TRMU: variants seen among roughly 807,000 people sequenced by gnomAD.
TRMU encodes the protein mitochondrial tRNA-specific 2-thiouridylase 1.
TRMU carries 49 observed loss-of-function variants against 46.9 expected under a neutral mutation model. The observed-to-expected ratio is 1.05, with a 90% confidence interval of 0.83 to 1.33. The LOEUF is 1.33. TRMU is among the 40% of genes most tolerant of loss of function. TRMU has a pLI of 0.00. For missense variants in TRMU, 572 were observed against 532.4 expected (o/e 1.07, Z -0.73); for synonymous variants, 241 against 200.9 (o/e 1.20, Z -1.69).
At chr22:46,354,246 G>A (rs931706925) in intron 8 of TRMU, 7 of 306,796 alleles carry the variant, frequency 2.3e-5, no homozygotes, top group African/African-American at 1.5e-4. Flanking sequence ...TGTCAGGCAG[G>A]TGCAGATGGC....
Position 46,336,094 on chromosome 22 carries a change from G to A in TRMU, c.82+248G>A. On this transcript the variant is annotated intron_variant, in intron 1 of 10. Transcript: ENST00000645190. The surrounding 1 kb of genome is among the most constrained non-coding windows in gnomAD (Gnocchi z 4.1). ...GTTCCGCGCCCCTCTCCACCCACGCGCGCCCACCCACAGTGAGAAGCCGGC... is the reference window on the plus strand; with the variant it reads ...GTTCCGCGCCCCTCTCCACCCACGCACGCCCACCCACAGTGAGAAGCCGGC... The A allele has an allele frequency of 7.3e-7, 1 of 1,368,384 alleles. No homozygotes were observed. Among genetic ancestry groups the A allele is most frequent in the Non-Finnish European group, 9.4e-7 (1 of 1,063,746 alleles). 84.8% of individuals were successfully genotyped at this position (1,368,384 alleles called of 1,614,324 possible). A position where few individuals can be genotyped will look rare whatever the true frequency, so the allele number is the denominator to read the frequency against.
chr22:46,346,748 C>A (rs935311645), intron 4 of TRMU, among the ~76,000 whole-genome samples: 8 of 152,178 alleles, frequency 5.3e-5, no homozygotes, highest in African/African-American at 1.9e-4. Context: ...TAAACAGTGT[C>A]CCTGCCGGCC....
rs1569087149 is a variant in TRMU, at chr22:46,355,160, C to CCTG, written c.874-282_874-280dup. 7 of 545,994 alleles carry CCTG rather than the reference C, an allele frequency of 1.3e-5. No homozygotes were observed. In the Admixed American group the frequency reaches 1.6e-4, roughly 12 times the overall value. The allele number at this position is 545,994 out of a possible 1,614,324, so 33.8% of individuals were successfully genotyped here. On this transcript the variant is annotated intron_variant, in intron 8 of 10. Coordinates refer to ENST00000645190, the MANE Select transcript of TRMU (RefSeq NM_018006.5). ...GTAGAGGGCCTGAGTCAGACTTGAA[C>CCTG]CTGCAGCATTCACTGTCATGGGCTC...
At position 46,339,105 on chromosome 22, in the gene TRMU, G is replaced by A. The variant is rs1490787412; in HGVS notation, c.248+1161G>A. 2.0e-5 allele frequency among the ~76,000 whole-genome samples: 3 copies of A among 152,140 alleles called. No homozygotes were observed. Among genetic ancestry groups the A allele is most frequent in the Non-Finnish European group, 4.4e-5 (3 of 68,030 alleles). On this transcript the variant is annotated intron_variant, in intron 2 of 10. Transcript: ENST00000645190. The surrounding 1 kb of genome is among the most constrained non-coding windows in gnomAD (Gnocchi z 4.8). ...AAGAATTGAGATTAGGTTCTAGTAT[G>A]TATGCCTGGTATATTAGTAAGCAGT...
At chr22:46,356,193 TGGTGA>T (rs1251893627) in intron 10 of TRMU, 121 bp downstream of exon 10, 3 of 1,099,796 alleles carry the variant, frequency 2.7e-6, no homozygotes, top group Admixed American at 2.0e-5. Context: ...GTCACACAGC[TGGTGA>T]GGGCAGAGTG....
At chr22:46,340,545 G>A (rs1004157260) in intron 2 of TRMU, among the ~76,000 whole-genome samples, 13 of 150,702 alleles carry the variant, frequency 8.6e-5, no homozygotes, top group African/African-American at 1.7e-4. Flanking sequence ...AATTAGGAGC[G>A]GAGCTGGGAT....
chr22:46,355,327 G>C lies in TRMU; in HGVS notation c.874-117G>C. 6 of 1,469,460 alleles carry C rather than the reference G, an allele frequency of 4.1e-6. No individual in the cohort carries two copies. In the South Asian group the frequency reaches 7.3e-5, roughly 18 times the overall value. 91.0% of individuals were successfully genotyped at this position (1,469,460 alleles called of 1,614,324 possible). On this transcript the variant is annotated intron_variant, in intron 8 of 10. Transcript: ENST00000645190. ...GGGTAGAACACTTCGAGCGGTGCCA[G>C]CACCGTTACCTGTGTGTGTGTGTGC...
intron 7 of TRMU, chr22:46,352,580 G>C: frequency 6.8e-6 from 4 of 585,448 alleles, no homozygotes; most frequent in Non-Finnish European, 1.2e-5. Context: ...TGACTTGGAA[G>C]GACTATACTC....
At chr22:46,345,739 C>G (rs1260228370) in intron 3 of TRMU, among the ~76,000 whole-genome samples, 1 of 151,822 alleles carries the variant, frequency 6.6e-6, no homozygotes, top group African/African-American at 2.4e-5. Flanking sequence ...ACTTCACATT[C>G]TCCCAGTGTT....
intron 2 of TRMU, among the ~76,000 whole-genome samples, chr22:46,341,098 C>T (rs931245940): frequency 7.9e-5 from 12 of 152,246 alleles, no homozygotes; most frequent in South Asian, 4.1e-4. Context: ...ATCTGTCTCC[C>T]TCCCGAGGCA....
At chr22:46,341,205 C>T (rs12159490) in intron 2 of TRMU, among the ~76,000 whole-genome samples, 58 of 152,278 alleles carry the variant, frequency 3.8e-4, no homozygotes, top group South Asian at 1.0e-3. Context: ...CTGCTGTTTA[C>T]GAAAGGGTTA....
rs752454115 is a variant in TRMU at position 46,347,853 on chromosome 22, G to A, written c.478+1309G>A. ...GCCCCAGCTGAGTTCTTTCCTCAGC[G>A]TTGCTGAGCCCATCCTGAAGGCTGC... On this transcript the variant is annotated intron_variant, in intron 4 of 10. Coordinates refer to ENST00000645190, the MANE Select transcript of TRMU (RefSeq NM_018006.5). This position sits in a 1 kb window ranked among gnomAD's most constrained non-coding sequence, Gnocchi z 5.0. 9.2e-5 allele frequency among the ~76,000 whole-genome samples: 14 copies of A among 152,192 alleles called. No homozygotes were observed. Among genetic ancestry groups the A allele is most frequent in the Non-Finnish European group, 1.6e-4 (11 of 68,028 alleles).
intron 4 of TRMU, among the ~76,000 whole-genome samples, chr22:46,346,899 G>A (rs1227817406): frequency 6.6e-6 from 1 of 152,254 alleles, no homozygotes; most frequent in African/African-American, 2.4e-5. Flanking sequence ...CCAAGGACCT[G>A]TACTTAGCAA....
chr22:46,356,114 C>A (rs1322877527), intron 10 of TRMU, 42 bp downstream of exon 10: 2 of 1,608,536 alleles, frequency 1.2e-6, no homozygotes, highest in Non-Finnish European at 1.7e-6. Context: ...GACTGTACTG[C>A]TCTGCACCCT....
chr22:46,336,886 C>T lies in TRMU; in HGVS notation c.83-893C>T, dbSNP rs981127232. Among the ~76,000 whole-genome samples, 4 of 152,048 alleles carry T rather than the reference C, an allele frequency of 2.6e-5. No individual in the cohort carries two copies. Among genetic ancestry groups the T allele is most frequent in the Non-Finnish European group, 5.9e-5 (4 of 68,022 alleles). Reference sequence around the variant, plus strand: ...CAGAGACTTGGAGGTGGAGGCGGCCCTCCCGGCACAGTCAGCAGTGCAAGC... The same window carrying T: ...CAGAGACTTGGAGGTGGAGGCGGCCTTCCCGGCACAGTCAGCAGTGCAAGC... On this transcript the variant is annotated intron_variant, in intron 1 of 10. Coordinates refer to ENST00000645190, the MANE Select transcript of TRMU (RefSeq NM_018006.5). This position sits in a 1 kb window ranked among gnomAD's most constrained non-coding sequence, Gnocchi z 4.1.
chr22:46,356,436 T>C (rs893760428), intron 10 of TRMU: 1 of 422,786 alleles, frequency 2.4e-6, no homozygotes, highest in African/African-American at 2.0e-5. Context: ...GGTGGGCGCC[T>C]GGTGGGTGTA....
chr22:46,356,828 T>C lies in TRMU; in HGVS notation c.1102-14T>C, dbSNP rs754729305. The C allele has an allele frequency of 5.0e-6, 8 of 1,612,476 alleles. No homozygotes were observed. The South Asian group carries it at 8.8e-5, about 18-fold the overall frequency. Reference sequence around the variant, plus strand: ...CCCTGTGGCACCCCTGATGCCAGGGTCTCTCCCCTACAGTTTGCTGTGTTC... The same window carrying C: ...CCCTGTGGCACCCCTGATGCCAGGGCCTCTCCCCTACAGTTTGCTGTGTTC... On this transcript the variant is annotated splice_polypyrimidine_tract_variant and intron_variant, in intron 10 of 10. Transcript: ENST00000645190.
In TRMU at chr22:46,352,184, G is replaced by A. The variant is rs1440658479; in HGVS notation, c.705+10G>A. 6.2e-7 allele frequency: 1 copy of A among 1,614,164 alleles called. No homozygotes were observed. Among genetic ancestry groups the A allele is most frequent in the African/African-American group, 1.3e-5 (1 of 75,054 alleles). On this transcript the variant is annotated intron_variant, in intron 6 of 10. Transcript: ENST00000645190. ...ACATTTCCTTCTTCAGGTGCGTGCT[G>A]CTCTTTGACACAAAGAGATGGGGCT... is the stretch of plus-strand genomic sequence containing the variant.
rs755782173 is a variant in TRMU at position 46,353,853 on chromosome 22, G to T, written c.859G>T (p.Gly287Cys). ...WYVVEKDSVK[G>C]DVFVAPRTDH... ...CGTGGTGGAGAAGGACAGCGTCAAG[G>T]GTGACGTGTTTGTGGTGAGTGGGCC... Residue 287 changes from glycine (G) to cysteine (C), a missense_variant, in exon 8 of 11, where the codon GGT becomes TGT. Gly to Cys is a radical substitution (Grantham distance 159). Transcript: ENST00000645190. 2 of 1,613,786 alleles carry T rather than the reference G, an allele frequency of 1.2e-6. No homozygotes were observed. Among genetic ancestry groups the T allele is most frequent in the Non-Finnish European group, 1.7e-6 (2 of 1,179,804 alleles).
Sources: gnomAD v4.1 joint callset for allele counts (sites outside exome capture counted in the v4.1 genomes callset) on GRCh38, gnomAD v4.1.1 for gene constraint, Gnocchi (gnomAD v3.1) non-coding constraint, MANE v1.5 for transcripts, NCBI Gene and HGNC (gene_info 2026-07-23, HGNC 2026-07-21) for gene names.